PRKCB: variants seen among roughly 807,000 people sequenced by gnomAD.
PRKCB encodes the protein protein kinase C beta.
In PRKCB, 13 loss-of-function variants were observed where a neutral mutation model predicts 81.5. The ratio of observed to expected loss-of-function variants is 0.16; its 90% CI spans 0.10 to 0.25. The LOEUF is 0.25. Ranked by LOEUF, PRKCB falls within the 10% of genes least tolerant of loss-of-function variation. The probability of loss-of-function intolerance (pLI) is 1.00; values close to 1 mark genes in which losing one functional copy is unlikely to be tolerated. For missense variants in PRKCB, 509 were observed against 875.7 expected (o/e 0.58, Z 5.29); for synonymous variants, 335 against 321.4 (o/e 1.04, Z -0.45).
chr16:23,842,200 A>G (rs7195232), intron 2 of PRKCB, among the ~76,000 whole-genome samples: 86,666 of 151,928 alleles, frequency 0.57, 24,797 homozygotes, highest in East Asian at 0.61. Flanking sequence ...TCTCTGATGG[A>G]GCCGCTTACT....
At chr16:23,861,925 C>T (rs558109640) in intron 2 of PRKCB, among the ~76,000 whole-genome samples, 10 of 152,270 alleles carry the variant, frequency 6.6e-5, no homozygotes, top group Admixed American at 2.0e-4. Flanking sequence ...CTGCTTAAAA[C>T]GTCTTAAGAT....
At chr16:24,098,075 TTTTTCAGG>T (rs1308089014) in intron 7 of PRKCB, among the ~76,000 whole-genome samples, 1 of 152,124 alleles carries the variant, frequency 6.6e-6, no homozygotes, top group African/African-American at 2.4e-5. Context: ...CCTGAAACAG[TTTTTCAGG>T]TTAACTTTGG....
chr16:23,840,667 A>T (rs957614938), intron 2 of PRKCB, among the ~76,000 whole-genome samples: 1 of 152,158 alleles, frequency 6.6e-6, no homozygotes, highest in African/African-American at 2.4e-5. Context: ...GGTGTGTAGG[A>T]TGATCGCAAG....
intron 5 of PRKCB, among the ~76,000 whole-genome samples, chr16:24,072,261 A>G (rs945261358): frequency 7.2e-5 from 11 of 151,868 alleles, no homozygotes; most frequent in Admixed American, 5.3e-4. Context: ...GCAACCATCA[A>G]TCTGCTTTTG....
intron 7 of PRKCB, among the ~76,000 whole-genome samples, chr16:24,107,605 T>C (rs994891992): frequency 3.9e-5 from 6 of 152,188 alleles, no homozygotes; most frequent in Non-Finnish European, 7.3e-5. Context: ...GTCCTGCTCC[T>C]CTCTGAGGGG....
At chr16:24,086,348 G>A (rs1227287559) in intron 5 of PRKCB, among the ~76,000 whole-genome samples, 2 of 152,138 alleles carry the variant, frequency 1.3e-5, no homozygotes, top group Admixed American at 1.3e-4. Flanking sequence ...GAGGGGCAGG[G>A]CAGGACAGTG....
At chr16:23,989,593 G>A (rs1964851667) in intron 3 of PRKCB, among the ~76,000 whole-genome samples, 1 of 152,086 alleles carries the variant, frequency 6.6e-6, no homozygotes, top group South Asian at 2.1e-4. Flanking sequence ...TTTATGATAA[G>A]GATATAGAAT....
intron 9 of PRKCB, among the ~76,000 whole-genome samples, chr16:24,124,607 G>A (rs1567383549): frequency 2.0e-5 from 3 of 152,258 alleles, no homozygotes; most frequent in Middle Eastern, 3.4e-3. Flanking sequence ...GTTTCTGGAC[G>A]CTTTTATAGA....
intron 13 of PRKCB, among the ~76,000 whole-genome samples, chr16:24,182,557 C>T (rs1967642569): frequency 6.6e-6 from 1 of 152,104 alleles, no homozygotes; most frequent in South Asian, 2.1e-4. Context: ...AGTGTTTCCA[C>T]ACTTTTAAAG....
At chr16:24,045,935 C>T (rs1965758216) in intron 5 of PRKCB, among the ~76,000 whole-genome samples, 2 of 152,236 alleles carry the variant, frequency 1.3e-5, no homozygotes, top group Non-Finnish European at 1.5e-5. Context: ...TCCAGCCCCG[C>T]GTTGGCCATG....
At chr16:24,166,348 A>G (rs1438766253) in intron 10 of PRKCB, among the ~76,000 whole-genome samples, 1 of 152,216 alleles carries the variant, frequency 6.6e-6, no homozygotes, top group Non-Finnish European at 1.5e-5. Flanking sequence ...AACTTGGTAA[A>G]GATCTTAAAG....
chr16:24,020,976 TTTTCTTTC>T (rs59486748), intron 3 of PRKCB, among the ~76,000 whole-genome samples: 1,215 of 96,512 alleles, frequency 0.013, 14 homozygotes, highest in African/African-American at 0.012. Flanking sequence ...AGACTTTTCT[TTTTCTTTC>T]TTTCTTTCTT....
intron 2 of PRKCB, among the ~76,000 whole-genome samples, chr16:23,970,277 T>C (rs1464085136): frequency 6.6e-6 from 1 of 152,162 alleles, no homozygotes; most frequent in Non-Finnish European, 1.5e-5. Context: ...GTAACACTCC[T>C]TCACCCTCAT....
At chr16:24,069,002 A>G (rs980791033) in intron 5 of PRKCB, among the ~76,000 whole-genome samples, 5 of 152,198 alleles carry the variant, frequency 3.3e-5, no homozygotes, top group African/African-American at 1.2e-4. Flanking sequence ...TATGCCAGAC[A>G]TTCTATTAAT....
intron 2 of PRKCB, among the ~76,000 whole-genome samples, chr16:23,898,946 G>T (rs151335633): frequency 6.6e-6 from 1 of 152,162 alleles, no homozygotes; most frequent in Non-Finnish European, 1.5e-5. Context: ...ATGAAGTAAC[G>T]TCTGGGAAAT....
At chr16:24,135,608 T>C (rs1966862287) in intron 9 of PRKCB, among the ~76,000 whole-genome samples, 1 of 152,078 alleles carries the variant, frequency 6.6e-6, no homozygotes, top group Admixed American at 6.6e-5. Flanking sequence ...CCACCACACC[T>C]GGCCTCACAG....
intron 7 of PRKCB, chr16:24,111,115 G>A (rs904385120): frequency 1.3e-5 from 2 of 152,114 alleles, no homozygotes; most frequent in Admixed American, 6.5e-5. Context: ...CACCCTTCTC[G>A]ATTTCCAGCA....
chr16:23,957,782 G>A (rs28461432), intron 2 of PRKCB, among the ~76,000 whole-genome samples: 1,652 of 151,932 alleles, frequency 0.011, 29 homozygotes, highest in African/African-American at 0.038. Flanking sequence ...CTCACTTTCC[G>A]TAAACTCACA....
chr16:23,880,864 G>A (rs568665729), intron 2 of PRKCB, among the ~76,000 whole-genome samples: 18 of 152,068 alleles, frequency 1.2e-4, no homozygotes, highest in Admixed American at 2.6e-4. Context: ...ACACAAATGG[G>A]GTCAAGATGA....
Sources: gnomAD v4.1 joint callset for allele counts (sites outside exome capture counted in the v4.1 genomes callset) on GRCh38, gnomAD v4.1.1 for gene constraint, MANE v1.5 for transcripts, NCBI Gene and HGNC (gene_info 2026-07-23, HGNC 2026-07-21) for gene names.